The following ZDHHC21 variants were observed in gnomAD, a reference collection of about 807,000 sequenced individuals.
ZDHHC21 encodes the protein zDHHC palmitoyltransferase 21.
In ZDHHC21, 15 loss-of-function variants were observed where a neutral mutation model predicts 34.6. That is an observed-to-expected ratio of 0.43 (90% confidence interval 0.29 to 0.67). ZDHHC21 has a LOEUF of 0.67. Ranked by LOEUF, ZDHHC21 falls within the 30% of genes least tolerant of loss-of-function variation. ZDHHC21 has a pLI of 0.14. For synonymous variants in ZDHHC21, 142 were observed against 101.8 expected, an observed-to-expected ratio of 1.40 and a Z score of -2.38; for missense variants, 344 against 327.7, an observed-to-expected ratio of 1.05 and a Z score of -0.38.
intron 5 of ZDHHC21, among the ~76,000 whole-genome samples, chr9:14,670,951 C>T (rs10961649): frequency 0.28 from 43,095 of 151,786 alleles, 6,264 homozygotes; most frequent in Middle Eastern, 0.35. Context: ...AGGATCTTGG[C>T]GACTGATACA....
At chr9:14,692,846 G>A (rs1385031920) in intron 1 of ZDHHC21, among the ~76,000 whole-genome samples, 3 of 152,114 alleles carry the variant, frequency 2.0e-5, no homozygotes, top group Non-Finnish European at 4.4e-5. Flanking sequence ...CCAGACGGGG[G>A]TGCGGGGAGA....
downstream of ZDHHC21, among the ~76,000 whole-genome samples, chr9:14,608,281 T>G (rs1194827861): frequency 6.6e-6 from 1 of 151,952 alleles, no homozygotes; most frequent in East Asian, 1.9e-4. Flanking sequence ...TACTCAAACA[T>G]TCAGTTATGG....
chr9:14,602,612 T>A, the ZDHHC21 span, among the ~76,000 whole-genome samples: 1 of 152,072 alleles, frequency 6.6e-6, no homozygotes, highest in Non-Finnish European at 1.5e-5. Flanking sequence ...AAGTCACATA[T>A]AAGGAAATCC....
chr9:14,668,700 T>A lies in ZDHHC21; in HGVS notation c.253+4130A>T, dbSNP rs1834933041. Among the ~76,000 whole-genome samples the A allele has an allele frequency of 7.1e-5, 10 of 141,514 alleles. No homozygotes were observed. In the South Asian group the frequency reaches 2.4e-3, roughly 34 times the overall value. The allele number at this position is 141,514 out of a possible 152,430, so 92.8% of individuals were successfully genotyped here. A position where few individuals can be genotyped will look rare whatever the true frequency, so the allele number is the denominator to read the frequency against. On this transcript the variant is annotated intron_variant, in intron 5 of 9. Coordinates refer to ENST00000380916, the MANE Select transcript of ZDHHC21 (RefSeq NM_178566.6). ...CAGAGCCCTCAGAAATAATGCCGCA[T>A]AACTACAACTATCTGATCTTTGACA...
Position 14,658,820 on chromosome 9 carries a change from G to C in ZDHHC21, c.433C>G (p.Leu145Val). The C allele has an allele frequency of 6.2e-7, 1 of 1,613,770 alleles. No homozygotes were observed. The highest frequency in any genetic ancestry group is 8.5e-7 in the Non-Finnish European group (1 of 1,179,882). Residue 145 changes from leucine to valine, a missense_variant, in exon 7 of 10, where the codon CTT becomes GTT. Transcript: ENST00000380916. ...FLQLCFYTEL[L>V]TCYALMFSFC... is the part of the protein sequence containing the mutation. ...GAAAACATCAGTGCGTAGCAAGTAA[G>C]AAGTTCAGTGTAGAAACACAACTGC...
intron 8 of ZDHHC21, among the ~76,000 whole-genome samples, chr9:14,638,498 C>A (rs1337730301): frequency 2.0e-5 from 3 of 151,810 alleles, no homozygotes; most frequent in Non-Finnish European, 2.9e-5. Context: ...AATTTTATGG[C>A]TAAGACCTCA....
intron 4 of ZDHHC21, among the ~76,000 whole-genome samples, chr9:14,673,529 TA>T (rs535538350): frequency 6.3e-4 from 89 of 141,320 alleles, no homozygotes; most frequent in Admixed American, 7.1e-4. Flanking sequence ...GTTGGGGCGA[TA>T]AAAAAAAAAA....
In ZDHHC21 at chr9:14,617,535, G is replaced by C. The variant is rs1416502237; in HGVS notation, c.*1431C>G. ...AAAACTAGCTAAAAGGAAAATGTTA[G>C]CATGGTTTATGAACAGTAGACTTTT... On this transcript the variant is annotated 3_prime_UTR_variant, in exon 10 of 10. Coordinates refer to ENST00000380916, the MANE Select transcript of ZDHHC21 (RefSeq NM_178566.6). 1 of 151,940 alleles carries C rather than the reference G, an allele frequency of 6.6e-6. No homozygotes were observed. Among genetic ancestry groups the C allele is most frequent in the East Asian group, 1.9e-4 (1 of 5,178 alleles). 9.4% of individuals were successfully genotyped at this position (151,940 alleles called of 1,614,324 possible).
rs963110036 is a variant in ZDHHC21 at position 14,614,225 on chromosome 9, C to G, written c.*4741G>C. The G allele has an allele frequency of 2.0e-5, 3 of 151,624 alleles. No homozygotes were observed. Among genetic ancestry groups the G allele is most frequent in the Non-Finnish European group, 1.5e-5 (1 of 67,730 alleles). The allele number at this position is 151,624 out of a possible 1,614,324, so 9.4% of individuals were successfully genotyped here. On this transcript the variant is annotated 3_prime_UTR_variant, in exon 10 of 10. Transcript: ENST00000380916. ...CTCACTACTCATTTGTACCTATTCTCTAGGGTGGACAAGGCAAAAAGAACA... is the reference window on the plus strand; with the variant it reads ...CTCACTACTCATTTGTACCTATTCTGTAGGGTGGACAAGGCAAAAAGAACA...
intron 2 of ZDHHC21, among the ~76,000 whole-genome samples, chr9:14,680,734 C>T (rs1368178358): frequency 6.6e-6 from 1 of 152,080 alleles, no homozygotes; most frequent in East Asian, 1.9e-4. Flanking sequence ...ACCTACTATG[C>T]TTTAACACAG....
chr9:14,642,298 T>C (rs1298859653), intron 7 of ZDHHC21, among the ~76,000 whole-genome samples: 3 of 152,204 alleles, frequency 2.0e-5, no homozygotes, highest in African/African-American at 7.2e-5. Flanking sequence ...TTGAGTCACT[T>C]AACACTGTTC....
chr9:14,619,567 G>A, intron 9 of ZDHHC21, 72 bp downstream of exon 9: 1 of 1,156,232 alleles, frequency 8.6e-7, no homozygotes, highest in Non-Finnish European at 1.2e-6. Context: ...TCTACCATAT[G>A]CACATATTTC....
intron 6 of ZDHHC21, among the ~76,000 whole-genome samples, chr9:14,659,311 G>C (rs899263365): frequency 6.6e-6 from 1 of 152,156 alleles, no homozygotes. Context: ...AAAGCAATCT[G>C]AATGCCCTGA....
At chr9:14,619,414 T>G (rs889907954) in intron 9 of ZDHHC21, among the ~76,000 whole-genome samples, 2 of 152,086 alleles carry the variant, frequency 1.3e-5, no homozygotes, top group Non-Finnish European at 2.9e-5. Flanking sequence ...TTAACTTACT[T>G]TAGTTAGACA....
At chr9:14,591,059 G>T in the ZDHHC21 span, among the ~76,000 whole-genome samples, 1 of 152,022 alleles carries the variant, frequency 6.6e-6, no homozygotes, top group African/African-American at 2.4e-5. Context: ...CTGTGATATG[G>T]CATATTGTAA....
rs934877261 is a variant in ZDHHC21, at chr9:14,618,280, T to C, written c.*686A>G. 5 of 152,516 alleles carry C rather than the reference T, an allele frequency of 3.3e-5. No individual in the cohort carries two copies. Among genetic ancestry groups the C allele is most frequent in the Admixed American group, 2.0e-4 (3 of 15,246 alleles). 9.4% of individuals were successfully genotyped at this position (152,516 alleles called of 1,614,324 possible). Reference sequence around the variant, plus strand: ...TAATAGTGAAAATTGAAAAAATTATTGTGAAAAAAATTTTAACATTTCCTT... The same window carrying C: ...TAATAGTGAAAATTGAAAAAATTATCGTGAAAAAAATTTTAACATTTCCTT... On this transcript the variant is annotated 3_prime_UTR_variant, in exon 10 of 10. Coordinates refer to ENST00000380916, the MANE Select transcript of ZDHHC21 (RefSeq NM_178566.6).
chr9:14,652,019 T>G (rs1251511794), intron 7 of ZDHHC21, among the ~76,000 whole-genome samples: 1 of 151,930 alleles, frequency 6.6e-6, no homozygotes, highest in Non-Finnish European at 1.5e-5. Context: ...AACATTATAC[T>G]GGAATGATAA....
chr9:14,689,349 C>T (rs536827795), intron 2 of ZDHHC21, among the ~76,000 whole-genome samples: 1 of 152,250 alleles, frequency 6.6e-6, no homozygotes, highest in South Asian at 2.1e-4. Flanking sequence ...ATCTCAGAAG[C>T]TAATAAAGAA....
intron 7 of ZDHHC21, 48 bp from the exon 8 acceptor site, chr9:14,640,060 T>C (rs1829053947): frequency 2.0e-6 from 2 of 996,158 alleles, no homozygotes; most frequent in East Asian, 4.9e-5. Flanking sequence ...TTGCTTACAT[T>C]GCTTACAGTC....
Sources: gnomAD v4.1 joint callset for allele counts (sites outside exome capture counted in the v4.1 genomes callset) on GRCh38, gnomAD v4.1.1 for gene constraint, MANE v1.5 for transcripts, NCBI Gene and HGNC (gene_info 2026-07-23, HGNC 2026-07-21) for gene names.